TLN2: variants seen among roughly 807,000 people sequenced by gnomAD.
TLN2 encodes the protein talin 2.
TLN2 carries 118 observed loss-of-function variants against 294.7 expected under a neutral mutation model. The observed-to-expected ratio is 0.40, with a 90% CI of 0.34 to 0.47. The LOEUF (loss-of-function observed/expected upper bound fraction) is 0.47. Ranked by LOEUF, TLN2 falls within the 20% of genes least tolerant of loss-of-function variation. TLN2 has a pLI of 0.84. For synonymous variants in TLN2, 1,431 were observed against 1,304.5 expected (o/e 1.10, Z -2.09); for missense variants, 3,083 against 3,282.2 (o/e 0.94, Z 1.48).
At chr15:62,410,968 G>T (rs538094538) in intron 1 of TLN2, among the ~76,000 whole-genome samples, 1 of 152,332 alleles carries the variant, frequency 6.6e-6, no homozygotes, top group South Asian at 2.1e-4. Flanking sequence ...GTACATCCAT[G>T]TGCTTGCTGT....
At chr15:62,660,621 C>A (rs544426044) in intron 9 of TLN2, among the ~76,000 whole-genome samples, 1 of 152,156 alleles carries the variant, frequency 6.6e-6, no homozygotes, top group Admixed American at 6.5e-5. Context: ...TTATGCTTTT[C>A]TGTGTTGAGA....
At chr15:62,492,171 G>T (rs531948795) in intron 1 of TLN2, among the ~76,000 whole-genome samples, 2 of 152,148 alleles carry the variant, frequency 1.3e-5, no homozygotes, top group East Asian at 1.9e-4. Flanking sequence ...ATAAAAACTG[G>T]CCGGACGCGG....
intron 13 of TLN2, among the ~76,000 whole-genome samples, chr15:62,693,975 T>C (rs1211487567): frequency 3.6e-4 from 13 of 36,544 alleles, no homozygotes; most frequent in Non-Finnish European, 8.5e-4. Flanking sequence ...TTTTTTTTTT[T>C]TTTTTTTTTT....
intron 14 of TLN2, 112 bp downstream of exon 14, chr15:62,694,504 C>T: frequency 1.2e-6 from 1 of 814,172 alleles, no homozygotes; most frequent in Non-Finnish European, 2.0e-6. Flanking sequence ...AAGATGACAG[C>T]AGATGATATA....
intron 1 of TLN2, among the ~76,000 whole-genome samples, chr15:62,431,176 C>T (rs1387749679): frequency 2.0e-5 from 3 of 152,128 alleles, no homozygotes; most frequent in Admixed American, 1.3e-4. Flanking sequence ...ACTCTGCCTA[C>T]CATAGTGTCC....
chr15:62,481,124 T>C (rs2038065860), intron 1 of TLN2, among the ~76,000 whole-genome samples: 1 of 152,220 alleles, frequency 6.6e-6, no homozygotes. Flanking sequence ...CTCTTCCTCA[T>C]TGGGGATCCT....
chr15:62,508,125 C>T (rs1019729866), intron 1 of TLN2, among the ~76,000 whole-genome samples: 5 of 151,994 alleles, frequency 3.3e-5, no homozygotes, highest in African/African-American at 7.3e-5. Context: ...ATGAAGATAC[C>T]ATTTAATCGT....
intron 1 of TLN2, among the ~76,000 whole-genome samples, chr15:62,419,692 G>C (rs1231260577): frequency 6.6e-6 from 1 of 151,774 alleles, no homozygotes; most frequent in Non-Finnish European, 1.5e-5. Flanking sequence ...CTGTCACCCA[G>C]GCTGGAGTGC....
chr15:62,465,389 C>T (rs909770188), intron 1 of TLN2, among the ~76,000 whole-genome samples: 2 of 152,072 alleles, frequency 1.3e-5, no homozygotes, highest in South Asian at 2.1e-4. Context: ...TTTCAGAGAA[C>T]GAGTGTGATG....
At chr15:62,809,401 T>G (rs1380160895) in intron 51 of TLN2, among the ~76,000 whole-genome samples, 1 of 152,162 alleles carries the variant, frequency 6.6e-6, no homozygotes, top group Non-Finnish European at 1.5e-5. Context: ...GAGCTAGCTA[T>G]CTGAAGTTTC....
Position 62,602,105 on chromosome 15 carries a change from A to G in TLN2, c.-162+12343A>G, listed in dbSNP as rs562167723. Among the ~76,000 whole-genome samples the G allele has an allele frequency of 9.8e-5, 15 of 152,300 alleles. No homozygotes were observed. In the East Asian group the frequency reaches 2.9e-3, roughly 29 times the overall value. ...ATAGAAACAAGGCATGTTTCTTGCT[A>G]CTGTATTTATCATTATTTCTGGATA... On this transcript the variant is annotated intron_variant, in intron 2 of 58. Transcript: ENST00000636159.
chr15:62,478,925 T>C (rs767277398), intron 1 of TLN2, among the ~76,000 whole-genome samples: 28 of 152,366 alleles, frequency 1.8e-4, no homozygotes, highest in Non-Finnish European at 3.5e-4. Flanking sequence ...TGAACCTACT[T>C]AGCCCGGCTT....
At chr15:62,488,274 T>C (rs986063847) in intron 1 of TLN2, among the ~76,000 whole-genome samples, 1 of 152,030 alleles carries the variant, frequency 6.6e-6, no homozygotes, top group African/African-American at 2.4e-5. Flanking sequence ...TGGGCAAACA[T>C]GTAAAGGAGG....
At chr15:62,474,752 G>T (rs780146) in intron 1 of TLN2, among the ~76,000 whole-genome samples, 152,350 of 152,362 alleles carry the variant, frequency 1, 76,169 homozygotes, top group Non-Finnish European at 1. Flanking sequence ...TGTCTGAGTC[G>T]TCATTGGCTT....
intron 1 of TLN2, among the ~76,000 whole-genome samples, chr15:62,395,072 C>T (rs915317396): frequency 5.9e-5 from 9 of 152,066 alleles, no homozygotes; most frequent in African/African-American, 2.2e-4. Flanking sequence ...ACTTAATTCC[C>T]TACGTCTGTT....
chr15:62,712,002 G>T lies in TLN2; in HGVS notation c.2559G>T (p.Met853Ile). The T allele has an allele frequency of 6.2e-7, 1 of 1,614,194 alleles. No individual in the cohort carries two copies. Among genetic ancestry groups the T allele is most frequent in the Non-Finnish European group, 8.5e-7 (1 of 1,180,036 alleles). ...MRSDAEAEID[M>I]ENSKKLLAAA... ...CAGATGCAGAAGCCGAAATCGACAT[G>T]GAGAATTCAAAGAAGCTCCTGGCAG... The change falls in exon 22 of 59, where the codon ATG (methionine) becomes ATT (isoleucine). Residue 853 changes from methionine (M) to isoleucine (I), a missense_variant. By Grantham distance (10) the Met-to-Ile change is conservative. Coordinates refer to ENST00000636159, the MANE Select transcript of TLN2 (RefSeq NM_015059.3).
chr15:62,448,464 T>C (rs1389668652), intron 1 of TLN2, among the ~76,000 whole-genome samples: 2 of 152,228 alleles, frequency 1.3e-5, no homozygotes, highest in African/African-American at 4.8e-5. Context: ...GTTTATTCTG[T>C]TGTGTGTTTG....
At position 62,647,202 on chromosome 15, in the gene TLN2, CTTTT is replaced by C; in HGVS notation, c.-36-69_-36-66del. 11 of 1,413,852 alleles carry C rather than the reference CTTTT, an allele frequency of 7.8e-6. No individual in the cohort carries two copies. The South Asian group carries it at 1.3e-4, about 16-fold the overall frequency. The allele number at this position is 1,413,852 out of a possible 1,614,324, so 87.6% of individuals were successfully genotyped here. ...TTAAAGTTGATTTTAAAGTCCAGCA[CTTTT>C]TTTGTTTTTTTTTCCCCAAGACAAA... On this transcript the variant is annotated intron_variant, in intron 3 of 58. Transcript: ENST00000636159.
chr15:62,725,844 C>G (rs1595799121), intron 27 of TLN2, among the ~76,000 whole-genome samples: 1 of 152,284 alleles, frequency 6.6e-6, no homozygotes, highest in East Asian at 1.9e-4. Context: ...GACTCTAAAA[C>G]CTGTGCTTTT....
Sources: allele counts gnomAD v4.1 joint callset (sites outside exome capture counted in the v4.1 genomes callset), GRCh38; gene constraint gnomAD v4.1.1; transcripts MANE v1.5; gene names NCBI Gene and HGNC (gene_info 2026-07-23, HGNC 2026-07-21).